Variants in SLC13A3 observed in about 807,000 individuals in gnomAD.
The protein encoded by SLC13A3 is solute carrier family 13 member 3, also known as Na(+)/dicarboxylate cotransporter 3.
A neutral mutation model predicts 59.0 loss-of-function variants in SLC13A3; 40 were observed. The ratio of observed to expected loss-of-function variants is 0.68; its 90% CI spans 0.53 to 0.88. The LOEUF is 0.88. Among genes scored for constraint, SLC13A3 ranks in the 40% least tolerant of loss-of-function variants. SLC13A3 has a pLI of 0.00. For missense variants in SLC13A3, 699 were observed against 783.2 expected (o/e 0.89, Z 1.28); for synonymous variants, 317 against 330.3 (o/e 0.96, Z 0.44).
intron 1 of SLC13A3, among the ~76,000 whole-genome samples, chr20:46,680,894 T>C (rs993613735): frequency 2.0e-5 from 3 of 152,214 alleles, no homozygotes; most frequent in Non-Finnish European, 4.4e-5. Context: ...AACTCCACCA[T>C]GCAGCACCAC....
chr20:46,608,931 C>T lies in SLC13A3; in HGVS notation c.541+1515G>A, dbSNP rs1055674490. On this transcript the variant is annotated intron_variant, in intron 3 of 12. Transcript: ENST00000279027. ...TCCACCCGGCAGGAAGGACAGAACC[C>T]GGAAGTTGCACACATCATTTCCACT... The T allele has an allele frequency of 2.0e-5, 31 of 1,550,920 alleles. No individual in the cohort carries two copies. The Middle Eastern group carries it at 6.7e-4, about 33-fold the overall frequency.
At chr20:46,577,552 C>A (rs1253737388) in intron 9 of SLC13A3, among the ~76,000 whole-genome samples, 1 of 151,996 alleles carries the variant, frequency 6.6e-6, no homozygotes, top group Non-Finnish European at 1.5e-5. Context: ...AGGAAGAAAG[C>A]CTTGAGCAGG....
chr20:46,580,894 A>G (rs1184760710), intron 9 of SLC13A3, among the ~76,000 whole-genome samples: 1 of 152,184 alleles, frequency 6.6e-6, no homozygotes, highest in Non-Finnish European at 1.5e-5. Flanking sequence ...ATCCCTTTTC[A>G]TGGCAATGAT....
intron 1 of SLC13A3, among the ~76,000 whole-genome samples, chr20:46,633,775 G>A (rs2062767843): frequency 6.6e-6 from 1 of 152,256 alleles, no homozygotes; most frequent in Admixed American, 6.5e-5. Flanking sequence ...CTTGCTCAAG[G>A]CCCTCTGCCT....
At chr20:46,587,173 G>T (rs1016600603) in intron 8 of SLC13A3, among the ~76,000 whole-genome samples, 1 of 152,070 alleles carries the variant, frequency 6.6e-6, no homozygotes, top group Non-Finnish European at 1.5e-5. Context: ...ATTTCCTAAT[G>T]AATATAGCTA....
chr20:46,625,475 T>C (rs1196012473), intron 1 of SLC13A3, among the ~76,000 whole-genome samples: 1 of 152,186 alleles, frequency 6.6e-6, no homozygotes, highest in Non-Finnish European at 1.5e-5. Context: ...AAAATAAACA[T>C]GACTTTTAAA....
chr20:46,575,536 A>T, intron 10 of SLC13A3, 37 bp downstream of exon 10: 1 of 1,315,946 alleles, frequency 7.6e-7, no homozygotes, highest in African/African-American at 1.4e-5. Context: ...CCTGCCTCCC[A>T]CTGTTCCTGC....
chr20:46,622,784 ACT>A (rs889358912), intron 1 of SLC13A3, among the ~76,000 whole-genome samples: 1 of 152,008 alleles, frequency 6.6e-6, no homozygotes, highest in Admixed American at 6.6e-5. Flanking sequence ...AAAAGACATG[ACT>A]CAGATCTTAC....
At chr20:46,623,567 G>T (rs1043607174) in intron 1 of SLC13A3, among the ~76,000 whole-genome samples, 1 of 152,044 alleles carries the variant, frequency 6.6e-6, no homozygotes, top group African/African-American at 2.4e-5. Flanking sequence ...TCTGTTTTGG[G>T]GGAAATTATA....
At chr20:46,671,754 T>C (rs1179356514), upstream of SLC13A3, among the ~76,000 whole-genome samples, 1 of 151,730 alleles carries the variant, frequency 6.6e-6, no homozygotes, top group Non-Finnish European at 1.5e-5. Context: ...ATTGGAGGAG[T>C]CTTGCACCAG....
chr20:46,612,542 G>T (rs1029167572), intron 2 of SLC13A3, among the ~76,000 whole-genome samples: 5 of 151,984 alleles, frequency 3.3e-5, no homozygotes, highest in African/African-American at 1.2e-4. Context: ...CCTATCACTC[G>T]GTCTTGCCGT....
At chr20:46,668,356 C>T (rs1393472620) in intron 1 of SLC13A3, among the ~76,000 whole-genome samples, 1 of 152,150 alleles carries the variant, frequency 6.6e-6, no homozygotes, top group African/African-American at 2.4e-5. Flanking sequence ...GAAAGCAAAA[C>T]AGCCTTATTC....
intron 1 of SLC13A3, among the ~76,000 whole-genome samples, chr20:46,640,428 C>T (rs1180992788): frequency 6.6e-6 from 1 of 152,162 alleles, no homozygotes; most frequent in Non-Finnish European, 1.5e-5. Context: ...CTGTTGTGTT[C>T]TGCCTATGGG....
rs73908951 is a variant in SLC13A3 at position 46,637,185 on chromosome 20, G to A, written c.111+14126C>T. ...TGCCCCAGGCATCCTGGGAGGGGGC[G>A]CAGTTGGGAAACCAGTGAGTGAAGG... is the stretch of plus-strand genomic sequence containing the variant. On this transcript the variant is annotated intron_variant, in intron 1 of 12. Coordinates refer to ENST00000279027, the MANE Select transcript of SLC13A3 (RefSeq NM_022829.6). 8.8e-3 allele frequency among the ~76,000 whole-genome samples: 1,344 copies of A among 152,272 alleles called. 20 individuals are homozygous for A. The highest frequency in any genetic ancestry group is 0.03 in the African/African-American group (1,231 of 41,552).
intron 1 of SLC13A3, among the ~76,000 whole-genome samples, chr20:46,666,952 C>CA (rs1404393624): frequency 7.2e-5 from 11 of 151,948 alleles, no homozygotes; most frequent in Admixed American, 7.2e-4. Flanking sequence ...GGCAAAATTC[C>CA]AAAAATTTGA....
chr20:46,587,602 T>G (rs2062207261), intron 8 of SLC13A3, among the ~76,000 whole-genome samples: 2 of 152,240 alleles, frequency 1.3e-5, no homozygotes, highest in African/African-American at 4.8e-5. Context: ...CTGTCCAAAG[T>G]CAATGCCCCT....
In SLC13A3 at chr20:46,585,485, AG is replaced by A. The variant is rs575498474; in HGVS notation, c.1122-1817del. 1.6e-3 allele frequency: 1,638 copies of A among 996,164 alleles called. 2 individuals carry two copies. The highest frequency in any genetic ancestry group is 1.9e-3 in the Non-Finnish European group (1,580 of 836,040). 61.7% of individuals were successfully genotyped at this position (996,164 alleles called of 1,614,324 possible). On this transcript the variant is annotated intron_variant, in intron 8 of 12. Transcript: ENST00000279027. ...TCTGTTAAAAAAATCTTCTTTTAATAGGGTTCTAAAAGCCAATTGGCATATG... is the reference window on the plus strand; with the variant it reads ...TCTGTTAAAAAAATCTTCTTTTAATAGGTTCTAAAAGCCAATTGGCATATG...
At chr20:46,600,324 A>AAGGAAAGGAAGGAAGGAAGGAAGGAAAGG (rs61169434) in intron 3 of SLC13A3, among the ~76,000 whole-genome samples, 6 of 83,804 alleles carry the variant, frequency 7.2e-5, no homozygotes, top group Admixed American at 1.1e-4. Flanking sequence ...GGAAGGAAGG[A>AAGGAAAGGAAGGAAGGAAGGAAGGAAAGG]AAGGAAGGAA....
At chr20:46,665,200 A>G (rs965915259) in intron 1 of SLC13A3, among the ~76,000 whole-genome samples, 1 of 152,078 alleles carries the variant, frequency 6.6e-6, no homozygotes, top group Non-Finnish European at 1.5e-5. Context: ...CAGGATGTCA[A>G]GGCTTCAGAG....
Sources: gnomAD v4.1 joint callset for allele counts (sites outside exome capture counted in the v4.1 genomes callset) on GRCh38, gnomAD v4.1.1 for gene constraint, MANE v1.5 for transcripts, NCBI Gene and HGNC (gene_info 2026-07-23, HGNC 2026-07-21) for gene names.